PUM3: variants seen among roughly 807,000 people sequenced by gnomAD.
The protein encoded by PUM3 is pumilio RNA binding family member 3.
A neutral mutation model predicts 84.0 loss-of-function variants in PUM3; 91 were observed. The observed-to-expected ratio is 1.08, with a 90% CI of 0.91 to 1.29. The LOEUF is 1.29. PUM3 is among the 50% of genes most tolerant of loss of function. PUM3 has a pLI of 0.00. For missense variants in PUM3, 1,067 were observed against 767.5 expected, an observed-to-expected ratio of 1.39 and a Z score of -4.61; for synonymous variants, 321 against 266.7, an observed-to-expected ratio of 1.20 and a Z score of -1.98.
At chr9:2,819,807 T>G (rs1010224159) in intron 13 of PUM3, among the ~76,000 whole-genome samples, 4 of 152,184 alleles carry the variant, frequency 2.6e-5, no homozygotes, top group African/African-American at 9.7e-5. Context: ...CTTAAATATT[T>G]AAAACAGTAT....
chr9:2,805,657 AAC>A (rs1204771343), intron 17 of PUM3, among the ~76,000 whole-genome samples: 3 of 152,316 alleles, frequency 2.0e-5, no homozygotes, highest in East Asian at 3.9e-4. Context: ...ATCTTGGCTA[AAC>A]ACACAGTTAT....
At chr9:2,817,621 T>C (rs1821498879) in intron 13 of PUM3, among the ~76,000 whole-genome samples, 1 of 152,108 alleles carries the variant, frequency 6.6e-6, no homozygotes, top group African/African-American at 2.4e-5. Context: ...AAATAAAAAA[T>C]GTCCACATAT....
chr9:2,829,979 T>C (rs542684713), intron 7 of PUM3, 31 bp from the exon 8 acceptor site: 1 of 1,580,492 alleles, frequency 6.3e-7, no homozygotes, highest in East Asian at 2.3e-5. Context: ...GAAAAATAAA[T>C]GATAGAAGGA....
rs370265483 is a variant in PUM3 at position 2,811,433 on chromosome 9, G to A, written c.1563C>T (p.Asp521=). The A allele has an allele frequency of 7.1e-5, 114 of 1,614,138 alleles. No homozygotes were observed. Among genetic ancestry groups the A allele is most frequent in the East Asian group, 2.9e-4 (13 of 44,858 alleles). Reference sequence around the variant, plus strand: ...CGATGGCATTCATGGTAGGCTGAACGTCTCCAGTGGCAGATCCCAGAATGT... The same window carrying A: ...CGATGGCATTCATGGTAGGCTGAACATCTCCAGTGGCAGATCCCAGAATGT... ...VSDILGSATG[D]VQPTMNAIAS... Residue 521 remains aspartate, a synonymous_variant, in exon 15 of 18, where the codon GAC becomes GAT. Coordinates refer to ENST00000397885, the MANE Select transcript of PUM3 (RefSeq NM_014878.5).
chr9:2,834,930 C>T (rs1288755259), intron 3 of PUM3, among the ~76,000 whole-genome samples: 2 of 149,716 alleles, frequency 1.3e-5, no homozygotes, highest in African/African-American at 4.9e-5. Flanking sequence ...GTATTATTTA[C>T]ATGAGTATCT....
Position 2,837,362 on chromosome 9 carries a change from G to C in PUM3, c.122C>G (p.Ala41Gly). Residue 41 changes from alanine to glycine, a missense_variant, in exon 3 of 18, where the codon GCT becomes GGT. Transcript: ENST00000397885. ...TGTGACTTTAGGTCCACCTTCTTTA[G>C]CAACTTTCCTTGTTGGAAATGTCTT... The part of the protein sequence containing the change: ...SSKTFPTRKV[A>G]KEGGPKVTSR... The C allele has an allele frequency of 6.2e-7, 1 of 1,613,514 alleles. No homozygotes were observed.
chr9:2,837,280 G>C lies in PUM3; in HGVS notation c.204C>G (p.Phe68Leu), dbSNP rs201447503. 5.4e-5 allele frequency: 87 copies of C among 1,613,998 alleles called. No individual in the cohort carries two copies. Among genetic ancestry groups the C allele is most frequent in the African/African-American group, 4.5e-4 (34 of 75,012 alleles). Reference sequence around the variant, plus strand: ...ATTTGTCCCCTTGCTGCTTATTCTTGAACTGCTTTACACCCTTTTTCCCAA... The same window carrying C: ...ATTTGTCCCCTTGCTGCTTATTCTTCAACTGCTTTACACCCTTTTTCCCAA... ...TKLGKKGVKQ[F>L]KNKQQGDKSP... Residue 68 changes from phenylalanine (F) to leucine (L), a missense_variant, in exon 3 of 18, where the codon TTC becomes TTG. Transcript: ENST00000397885.
chr9:2,810,325 G>A lies in PUM3; in HGVS notation c.1723+19C>T, dbSNP rs1821339463. ...AATTCCACATGAGATACAAGAAAAGGTCAAATTTCATAGCCTACCTTCTCT... is the reference window on the plus strand; with the variant it reads ...AATTCCACATGAGATACAAGAAAAGATCAAATTTCATAGCCTACCTTCTCT... On this transcript the variant is annotated intron_variant, in intron 16 of 17. Coordinates refer to ENST00000397885, the MANE Select transcript of PUM3 (RefSeq NM_014878.5). 4 of 1,517,208 alleles carry A rather than the reference G, an allele frequency of 2.6e-6. No homozygotes were observed. The highest frequency in any genetic ancestry group is 3.7e-6 in the Non-Finnish European group (4 of 1,093,152). 94.0% of individuals were successfully genotyped at this position (1,517,208 alleles called of 1,614,324 possible).
intron 9 of PUM3, among the ~76,000 whole-genome samples, chr9:2,827,995 G>T (rs1563832308): frequency 6.6e-6 from 1 of 152,138 alleles, no homozygotes; most frequent in South Asian, 2.1e-4. Flanking sequence ...CAGATGCCAT[G>T]AAGGGCACAT....
At chr9:2,811,136 T>C (rs1821359988) in intron 15 of PUM3, among the ~76,000 whole-genome samples, 1 of 152,200 alleles carries the variant, frequency 6.6e-6, no homozygotes, top group Admixed American at 6.5e-5. Flanking sequence ...AATGATTTCA[T>C]TCATAAGCAA....
chr9:2,837,728 C>T (rs757076875), intron 2 of PUM3, among the ~76,000 whole-genome samples: 6 of 151,942 alleles, frequency 3.9e-5, no homozygotes, highest in Non-Finnish European at 8.8e-5. Flanking sequence ...TATTTATATA[C>T]CTTTGTATTC....
intron 12 of PUM3, among the ~76,000 whole-genome samples, chr9:2,823,007 G>T (rs73377846): frequency 0.062 from 9,445 of 151,500 alleles, 959 homozygotes; most frequent in African/African-American, 0.21. Context: ...GTTCTCACTG[G>T]ATGTTTTCAA....
At chr9:2,814,917 G>A (rs1008647522) in intron 13 of PUM3, among the ~76,000 whole-genome samples, 8 of 152,238 alleles carry the variant, frequency 5.3e-5, no homozygotes, top group Middle Eastern at 3.4e-3. Context: ...GCATGAAGCC[G>A]GCAATGTATT....
intron 1 of PUM3, among the ~76,000 whole-genome samples, chr9:2,842,641 G>A (rs1312720086): frequency 6.6e-6 from 1 of 152,022 alleles, no homozygotes; most frequent in African/African-American, 2.4e-5. Context: ...CTCCCTAGGT[G>A]GTCTCATCCA....
chr9:2,807,068 C>T (rs1443298703), intron 17 of PUM3, among the ~76,000 whole-genome samples: 1 of 151,946 alleles, frequency 6.6e-6, no homozygotes, highest in Non-Finnish European at 1.5e-5. Context: ...ATTAGCTGGG[C>T]GTGGTGGCGG....
At chr9:2,817,264 G>A (rs1821489569) in intron 13 of PUM3, among the ~76,000 whole-genome samples, 1 of 152,180 alleles carries the variant, frequency 6.6e-6, no homozygotes, top group Admixed American at 6.5e-5. Context: ...ATTTGGCAGT[G>A]AAAAATAAAT....
Position 2,807,622 on chromosome 9 carries a change from A to AG in PUM3, c.1814+191_1814+192insC, listed in dbSNP as rs1821286494. Among the ~76,000 whole-genome samples, 3 of 151,174 alleles carry AG rather than the reference A, an allele frequency of 2.0e-5. No homozygotes were observed. The South Asian group carries it at 6.3e-4, about 32-fold the overall frequency. Reference sequence around the variant, plus strand: ...TCTCAAAAAAAAAAAAAAAAAAAAAAAAGATTCCTAAGGACTGACTGAAAG... The same window carrying AG: ...TCTCAAAAAAAAAAAAAAAAAAAAAAGAAGATTCCTAAGGACTGACTGAAAG... On this transcript the variant is annotated intron_variant, in intron 17 of 17. Transcript: ENST00000397885.
rs1187859234 is a variant in PUM3, at chr9:2,804,413, A to C, written c.1865T>G (p.Leu622Arg). The change falls in exon 18 of 18, where the codon CTG becomes CGG. Residue 622 changes from leucine to arginine, a missense_variant. Transcript: ENST00000397885. ...LEVANKVKAA[L>R]KSLIPTLEKT... ...TTCCAATGTAGGAATCAAGCTTTTC[A>C]GTGCAGCTTTGACTTTGTTTGCAAC... is the stretch of plus-strand genomic sequence containing the variant. The C allele has an allele frequency of 6.2e-7, 1 of 1,614,000 alleles. No homozygotes were observed. Among genetic ancestry groups the C allele is most frequent in the Non-Finnish European group, 8.5e-7 (1 of 1,179,948 alleles).
chr9:2,810,949 C>T (rs1821355016), intron 15 of PUM3, among the ~76,000 whole-genome samples: 1 of 152,226 alleles, frequency 6.6e-6, no homozygotes, highest in Non-Finnish European at 1.5e-5. Context: ...ATTTGGGCTA[C>T]TCCTTAGCAA....
Sources: gnomAD v4.1 joint callset for allele counts (sites outside exome capture counted in the v4.1 genomes callset) on GRCh38, gnomAD v4.1.1 for gene constraint, MANE v1.5 for transcripts, NCBI Gene and HGNC (gene_info 2026-07-23, HGNC 2026-07-21) for gene names.